SYTL4: variants seen among roughly 807,000 people sequenced by gnomAD.
SYTL4 encodes the protein synaptotagmin-like protein 4.
A neutral mutation model predicts 52.7 loss-of-function variants in SYTL4; 16 were observed. That is an observed-to-expected ratio of 0.30 (90% CI 0.21 to 0.46). SYTL4 has a LOEUF of 0.46. SYTL4 is among the 20% of genes least tolerant of loss of function. SYTL4 has a pLI of 1.00. For missense variants in SYTL4, 423 were observed against 519.9 expected (o/e 0.81, Z 1.81); for synonymous variants, 160 against 186.6 (o/e 0.86, Z 1.16).
At chrX:100,697,779 G>A (rs956438768) in intron 8 of SYTL4, among the ~76,000 whole-genome samples, 1 of 111,664 alleles carries the variant, frequency 9.0e-6, no homozygotes, top group African/African-American at 3.3e-5. Flanking sequence ...GAGGGGAAAA[G>A]GGGTAGGGGA....
intron 8 of SYTL4, among the ~76,000 whole-genome samples, chrX:100,699,852 A>G (rs886789386): frequency 1.8e-5 from 2 of 110,512 alleles, no homozygotes; most frequent in African/African-American, 6.6e-5. Flanking sequence ...CAACAGATGA[A>G]CAGATAAAAT....
chrX:100,724,206 G>A (rs1423336441), intron 2 of SYTL4, among the ~76,000 whole-genome samples: 1 of 92,781 alleles, frequency 1.1e-5, no homozygotes, highest in Non-Finnish European at 2.2e-5. Context: ...GGGGTCATCA[G>A]CTCCCCCGCC....
intron 2 of SYTL4, among the ~76,000 whole-genome samples, chrX:100,721,175 T>A (rs1433994704): frequency 8.9e-6 from 1 of 111,921 alleles, no homozygotes; most frequent in Non-Finnish European, 1.9e-5. Flanking sequence ...AATACTGACA[T>A]AGTAAGTAAA....
chrX:100,697,547 G>A (rs2083729131), intron 8 of SYTL4, among the ~76,000 whole-genome samples: 2 of 111,742 alleles, frequency 1.8e-5, no homozygotes, highest in South Asian at 3.8e-4. Context: ...ATGAAGAACC[G>A]AGTCTGGAGA....
chrX:100,716,485 G>A (rs1210818680), intron 2 of SYTL4, among the ~76,000 whole-genome samples: 128 of 40,184 alleles, frequency 3.2e-3, no homozygotes, highest in East Asian at 5.2e-3. Flanking sequence ...AAAAAAAAAA[G>A]TTGATTTTAG....
chrX:100,719,504 A>G (rs987502827), intron 2 of SYTL4, among the ~76,000 whole-genome samples: 3 of 110,858 alleles, frequency 2.7e-5, no homozygotes, highest in African/African-American at 9.9e-5. Flanking sequence ...AACAAACACA[A>G]TGTTTGAGAG....
At chrX:100,721,922 C>T (rs891054512) in intron 2 of SYTL4, among the ~76,000 whole-genome samples, 1 of 110,669 alleles carries the variant, frequency 9.0e-6, no homozygotes, top group African/African-American at 3.3e-5. Context: ...CTGCCTCAGC[C>T]TCCCAAGTAG....
At position 100,702,019 on chromosome X, in the gene SYTL4, G is replaced by T; in HGVS notation, c.19C>A (p.Leu7Ile). ...TTTTCCTCCTCAGACAGAAAAGAAA[G>T]GTCCAGTAACTCCGACATGATTTAC... The part of the protein sequence containing the change: MSELLD[L>I]SFLSEEEKDL... Residue 7 changes from leucine (L) to isoleucine (I), a missense_variant, in exon 5 of 20, where the codon CTT becomes ATT. Coordinates refer to ENST00000372989, the MANE Select transcript of SYTL4 (RefSeq NM_001370165.1). 1 of 1,204,207 alleles carries T rather than the reference G, an allele frequency of 8.3e-7. No homozygotes were observed. The highest frequency in any genetic ancestry group is 1.1e-6 in the Non-Finnish European group (1 of 889,931).
At chrX:100,726,197 G>A (rs1338935684) in intron 2 of SYTL4, among the ~76,000 whole-genome samples, 1 of 108,934 alleles carries the variant, frequency 9.2e-6, no homozygotes, top group Non-Finnish European at 1.9e-5. Flanking sequence ...TGCGACTTGA[G>A]GCAGAGACAA....
chrX:100,693,642 T>C (rs772958047), intron 8 of SYTL4, among the ~76,000 whole-genome samples: 7 of 111,769 alleles, frequency 6.3e-5, no homozygotes, highest in African/African-American at 2.3e-4. Context: ...AAAATGTAAA[T>C]CAGGGATAGA....
chrX:100,696,178 T>G (rs1282952338), intron 8 of SYTL4, among the ~76,000 whole-genome samples: 1 of 111,813 alleles, frequency 8.9e-6, no homozygotes, highest in African/African-American at 3.2e-5. Context: ...CAAACATACG[T>G]TTTCCCTTCT....
chrX:100,676,315 G>A, intron 19 of SYTL4, 139 bp from the exon 20 acceptor site: 1 of 608,689 alleles, frequency 1.6e-6, no homozygotes. Flanking sequence ...TCTGGGAAGT[G>A]CTCCCTCACC....
chrX:100,703,448 G>C (rs987588437), intron 3 of SYTL4, among the ~76,000 whole-genome samples: 5 of 111,867 alleles, frequency 4.5e-5, no homozygotes, highest in Admixed American at 3.8e-4. Context: ...TTTTGATGCT[G>C]GGAAATCACA....
In SYTL4 at chrX:100,722,314, C is replaced by T. The variant is rs757046746; in HGVS notation, c.-240+9104G>A. The stretch of plus-strand genomic sequence containing the variant: ...CTTGGTCACCAAGCTCATCTTAACC[C>T]TGCCTGGCACTGCAACTATGCTTCC... On this transcript the variant is annotated intron_variant, in intron 2 of 19. Transcript: ENST00000372989. Among the ~76,000 whole-genome samples the T allele has an allele frequency of 7.2e-5, 8 of 111,452 alleles. No individual in the cohort carries two copies. In the East Asian group the frequency reaches 2.2e-3, roughly 31 times the overall value.
At chrX:100,708,527 A>G (rs1257121109) in intron 2 of SYTL4, among the ~76,000 whole-genome samples, 1 of 112,340 alleles carries the variant, frequency 8.9e-6, no homozygotes, top group Non-Finnish European at 1.9e-5. Flanking sequence ...ATAACAATGA[A>G]TGAAAATAAA....
At chrX:100,690,795 CAGA>C (rs1286052866) in intron 9 of SYTL4, among the ~76,000 whole-genome samples, 157 bp from the exon 10 acceptor site, 2 of 112,016 alleles carry the variant, frequency 1.8e-5, no homozygotes, top group Non-Finnish European at 3.8e-5. Context: ...GGAAGGAATG[CAGA>C]AGATCAGATA....
Position 100,681,228 on chromosome X carries a change from C to G in SYTL4, c.1557G>C (p.Lys519Asn), listed in dbSNP as rs900120012. ...TCCAGGACCCCAAAGAAAACTCACT[C>G]TTTTTCCGGTCACCTCCAACAGGGG... ...SKTPVGGDRK[K>N]SKGGEGGELQ... Residue 519 changes from lysine to asparagine, a missense_variant and splice_region_variant, in exon 17 of 20, where the codon AAG (lysine) becomes AAC (asparagine). Lys to Asn is a moderately conservative substitution (Grantham distance 94). Transcript: ENST00000372989. The G allele has an allele frequency of 2.5e-6, 3 of 1,206,630 alleles. No individual in the cohort carries two copies. Among genetic ancestry groups the G allele is most frequent in the East Asian group, 3.0e-5 (1 of 33,809 alleles).
At chrX:100,701,907 T>G (rs1472883406) in intron 5 of SYTL4, 21 bp downstream of exon 5, 1 of 1,135,035 alleles carries the variant, frequency 8.8e-7, no homozygotes, top group African/African-American at 1.8e-5. Flanking sequence ...TGGGACCCCA[T>G]GCGTTTTGGG....
At position 100,679,432 on chromosome X, in the gene SYTL4, T is replaced by C. The variant is rs749309487; in HGVS notation, c.1559-20A>G. 2 of 1,120,767 alleles carry C rather than the reference T, an allele frequency of 1.8e-6. No individual in the cohort carries two copies. The highest frequency in any genetic ancestry group is 6.0e-5 in the East Asian group (2 of 33,468). The allele number at this position is 1,120,767 out of a possible 1,213,427, so 92.4% of individuals were successfully genotyped here. ...CTTTACCTGTAAGGGATGTCAGCCA[T>C]AGCAAGTGAGCCCCTTCCACCTCTA... On this transcript the variant is annotated intron_variant, in intron 17 of 19. Transcript: ENST00000372989.
Sources: allele counts gnomAD v4.1 joint callset (sites outside exome capture counted in the v4.1 genomes callset), GRCh38; gene constraint gnomAD v4.1.1; transcripts MANE v1.5; gene names NCBI Gene and HGNC (gene_info 2026-07-23, HGNC 2026-07-21).